The following NCOR1 variants were observed in gnomAD, a reference collection of about 807,000 sequenced individuals.
NCOR1 encodes protein phosphatase 1, regulatory subunit 109.
In NCOR1, 63 loss-of-function variants were observed where a neutral mutation model predicts 288.1. That is an observed-to-expected ratio of 0.22 (90% CI 0.18 to 0.27). NCOR1 has a LOEUF of 0.27. Among genes scored for constraint, NCOR1 ranks in the 10% least tolerant of loss-of-function variants. The pLI is 1.00. For synonymous variants in NCOR1, 1,007 were observed against 1,065.9 expected, an observed-to-expected ratio of 0.94 and a Z score of 1.08; for missense variants, 2,397 against 3,019.2, an observed-to-expected ratio of 0.79 and a Z score of 4.83.
chr17:16,044,530 A>G (rs910853808), intron 42 of NCOR1: 11 of 490,566 alleles, frequency 2.2e-5, no homozygotes, highest in Non-Finnish European at 4.6e-5. Flanking sequence ...GGTCCTTCCA[A>G]GGAAGCTAAG....
chr17:16,102,481 A>C (rs999975322), intron 19 of NCOR1, among the ~76,000 whole-genome samples: 3 of 152,124 alleles, frequency 2.0e-5, no homozygotes, highest in Non-Finnish European at 4.4e-5. Flanking sequence ...AACCCAGTAT[A>C]TGTGAAATAT....
chr17:16,086,716 A>G (rs563319390), intron 22 of NCOR1, among the ~76,000 whole-genome samples: 65 of 152,328 alleles, frequency 4.3e-4, no homozygotes, highest in Non-Finnish European at 5.6e-4. Flanking sequence ...CATAGCAAAC[A>G]TCAGTCTTCA....
intron 3 of NCOR1, among the ~76,000 whole-genome samples, chr17:16,183,135 C>T (rs760283166): frequency 1.3e-5 from 2 of 148,714 alleles, no homozygotes; most frequent in Admixed American, 6.7e-5. Flanking sequence ...AGGTAAGGAT[C>T]GGATCCTTTT....
intron 1 of NCOR1, among the ~76,000 whole-genome samples, chr17:16,203,227 T>C (rs540962424): frequency 6.6e-6 from 1 of 152,334 alleles, no homozygotes; most frequent in East Asian, 1.9e-4. Context: ...ACTCTCCTGC[T>C]TCAGATTCCC....
chr17:16,208,510 T>C (rs540499799), intron 1 of NCOR1, among the ~76,000 whole-genome samples: 33 of 152,218 alleles, frequency 2.2e-4, no homozygotes, highest in Non-Finnish European at 3.7e-4. Context: ...TTACTTTCTC[T>C]TTCTCCCCAA....
chr17:16,130,184 C>G (rs991871780), intron 14 of NCOR1, among the ~76,000 whole-genome samples: 1 of 152,190 alleles, frequency 6.6e-6, no homozygotes, highest in Non-Finnish European at 1.5e-5. Flanking sequence ...TCAGCAGCAA[C>G]TGGAGGACCT....
chr17:16,125,090 G>A (rs574008651), intron 15 of NCOR1, among the ~76,000 whole-genome samples: 1 of 152,328 alleles, frequency 6.6e-6, no homozygotes, highest in African/African-American at 2.4e-5. Context: ...TCGGCCAGGC[G>A]TGGTGGCTCA....
intron 2 of NCOR1, among the ~76,000 whole-genome samples, chr17:16,188,244 T>C (rs2087176536): frequency 6.6e-6 from 1 of 152,174 alleles, no homozygotes; most frequent in South Asian, 2.1e-4. Flanking sequence ...TCTCTATAAG[T>C]TATGAGTAAA....
At chr17:16,108,179 C>CAA (rs35417050) in intron 19 of NCOR1, 5,207 of 146,874 alleles carry the variant, frequency 0.035, 100 homozygotes, top group East Asian at 0.066. Flanking sequence ...AAGCAATTTC[C>CAA]AAAAAAAAAA....
chr17:16,159,086 T>TAA (rs35251798), intron 5 of NCOR1, among the ~76,000 whole-genome samples: 9 of 150,532 alleles, frequency 6.0e-5, no homozygotes, highest in African/African-American at 2.2e-4. Context: ...AGATAGAGTT[T>TAA]AAAAAAAAAA....
intron 5 of NCOR1, among the ~76,000 whole-genome samples, chr17:16,162,641 A>G (rs2081093490): frequency 6.6e-6 from 1 of 152,168 alleles, no homozygotes; most frequent in Non-Finnish European, 1.5e-5. Flanking sequence ...AGAAAAAATA[A>G]TCACATACCA....
intron 14 of NCOR1, among the ~76,000 whole-genome samples, chr17:16,129,289 CTTCA>C (rs1327431914): frequency 1.3e-5 from 2 of 152,170 alleles, no homozygotes; most frequent in East Asian, 3.8e-4. Flanking sequence ...CATCGCACAC[CTTCA>C]TTGTGTCTGA....
intron 42 of NCOR1, among the ~76,000 whole-genome samples, chr17:16,042,557 CTATT>C (rs1229095043): frequency 6.6e-6 from 1 of 152,178 alleles, no homozygotes; most frequent in Admixed American, 6.5e-5. Flanking sequence ...CATAATTCAA[CTATT>C]TAATAAGCAA....
chr17:16,174,320 T>G (rs1159071433), intron 3 of NCOR1, among the ~76,000 whole-genome samples: 4 of 152,222 alleles, frequency 2.6e-5, no homozygotes, highest in African/African-American at 7.2e-5. Context: ...ATCAAAAGAT[T>G]CATCCTCCAC....
chr17:16,079,343 G>C (rs2063030264), intron 26 of NCOR1, among the ~76,000 whole-genome samples: 3 of 152,110 alleles, frequency 2.0e-5, no homozygotes, highest in Non-Finnish European at 4.4e-5. Flanking sequence ...AAAATGCAAG[G>C]CACAGGTTTC....
intron 6 of NCOR1, 38 bp downstream of exon 6, chr17:16,158,722 G>A (rs745773516): frequency 2.2e-6 from 3 of 1,372,692 alleles, no homozygotes; most frequent in Non-Finnish European, 3.1e-6. Context: ...GTCAAGTGGG[G>A]TTAAAGGCCT....
At chr17:16,155,299 C>T (rs928842936) in intron 6 of NCOR1, among the ~76,000 whole-genome samples, 20 of 146,782 alleles carry the variant, frequency 1.4e-4, no homozygotes, top group Non-Finnish European at 2.7e-4. Flanking sequence ...TGCAGTGAGC[C>T]AAGATCGTGC....
intron 3 of NCOR1, among the ~76,000 whole-genome samples, chr17:16,176,623 G>C (rs987951463): frequency 1.3e-4 from 20 of 150,742 alleles, no homozygotes; most frequent in African/African-American, 5.0e-4. Context: ...AAGAAAATCT[G>C]CCTGTTGTTT....
intron 17 of NCOR1, 40 bp from the exon 18 acceptor site, chr17:16,118,067 A>G: frequency 6.3e-7 from 1 of 1,585,334 alleles, no homozygotes; most frequent in Non-Finnish European, 8.6e-7. Context: ...TTGAACAGTC[A>G]CCTGATCAAG....
Sources: gnomAD v4.1 joint callset for allele counts (sites outside exome capture counted in the v4.1 genomes callset) on GRCh38, gnomAD v4.1.1 for gene constraint, MANE v1.5 for transcripts, NCBI Gene and HGNC (gene_info 2026-07-23, HGNC 2026-07-21) for gene names.